CD38: variants seen among roughly 807,000 people sequenced by gnomAD.
CD38 encodes the protein ADP-ribosyl cyclase/cyclic ADP-ribose hydrolase 1.
CD38 carries 31 observed loss-of-function variants against 36.3 expected under a neutral mutation model. The ratio of observed to expected loss-of-function variants is 0.85; its 90% confidence interval spans 0.64 to 1.15. The LOEUF is 1.15. Ranked by LOEUF, CD38 falls within the 50% of genes most tolerant of loss-of-function variation. The pLI is 0.00. For missense variants in CD38, 380 were observed against 371.9 expected, an observed-to-expected ratio of 1.02 and a Z score of -0.18; for synonymous variants, 131 against 135.2, an observed-to-expected ratio of 0.97 and a Z score of 0.22.
intron 1 of CD38, among the ~76,000 whole-genome samples, chr4:15,813,260 A>T (rs1224689673): frequency 1.3e-5 from 2 of 152,162 alleles, no homozygotes; most frequent in Admixed American, 1.3e-4. Context: ...GGGGTTTAAT[A>T]GATGAATTTT....
At position 15,824,868 on chromosome 4, in the gene CD38, TA is replaced by T; in HGVS notation, c.364-12del. On this transcript the variant is annotated splice_polypyrimidine_tract_variant and intron_variant, in intron 2 of 7. Coordinates refer to ENST00000226279, the MANE Select transcript of CD38 (RefSeq NM_001775.4). ...ATTGATCTCAGTAATAGATTGTATT[TA>T]TTCTTCCTTAGATTCTTCTTTGGAG... 1 of 1,608,488 alleles carries T rather than the reference TA, an allele frequency of 6.2e-7. No individual in the cohort carries two copies. Among genetic ancestry groups the T allele is most frequent in the Non-Finnish European group, 8.5e-7 (1 of 1,175,474 alleles).
chr4:15,818,360 C>T (rs1391616594), intron 2 of CD38, among the ~76,000 whole-genome samples: 3 of 152,168 alleles, frequency 2.0e-5, no homozygotes, highest in South Asian at 2.1e-4. Flanking sequence ...ACAAAACCTC[C>T]GTCTCCCTGG....
intron 1 of CD38, among the ~76,000 whole-genome samples, chr4:15,783,903 G>A (rs554840326): frequency 4.6e-5 from 7 of 152,282 alleles, no homozygotes; most frequent in African/African-American, 1.7e-4. Flanking sequence ...AGTACAACAT[G>A]AGCAAAACAG....
At chr4:15,829,772 T>A (rs996848700) in intron 3 of CD38, among the ~76,000 whole-genome samples, 4 of 152,230 alleles carry the variant, frequency 2.6e-5, no homozygotes, top group Non-Finnish European at 5.9e-5. Flanking sequence ...TAACCATTTT[T>A]CTATTCTCCA....
chr4:15,804,400 TG>T (rs1723297146), intron 1 of CD38, among the ~76,000 whole-genome samples: 1 of 152,176 alleles, frequency 6.6e-6, no homozygotes, highest in African/African-American at 2.4e-5. Flanking sequence ...AACTACCATA[TG>T]ATCCAGTAAT....
At chr4:15,782,090 C>T (rs962747788) in intron 1 of CD38, among the ~76,000 whole-genome samples, 3 of 152,180 alleles carry the variant, frequency 2.0e-5, no homozygotes, top group African/African-American at 2.4e-5. Flanking sequence ...TGTTGCCACA[C>T]GGCCTCTCTC....
rs763737168 is a variant in CD38, at chr4:15,778,567, C to T, written c.153C>T (p.Ser51=). 1 of 1,613,416 alleles carries T rather than the reference C, an allele frequency of 6.2e-7. No homozygotes were observed. The highest frequency in any genetic ancestry group is 1.6e-4 in the Middle Eastern group (1 of 6,062). ...VVVPRWRQQW[S]GPGTTKRFPE... is the part of the protein sequence containing the mutation. ...TCCCGAGGTGGCGCCAGCAGTGGAG[C>T]GGTCCGGGCACCACCAAGCGCTTTC... The change falls in exon 1 of 8, where the codon AGC becomes AGT. Residue 51 remains serine (S), a synonymous_variant. Transcript: ENST00000226279. This position sits in a 1 kb window ranked among gnomAD's most constrained non-coding sequence, Gnocchi z 4.9.
intron 1 of CD38, among the ~76,000 whole-genome samples, chr4:15,784,796 A>G (rs2968776): frequency 1.3e-5 from 2 of 152,060 alleles, no homozygotes; most frequent in Non-Finnish European, 2.9e-5. Context: ...GGTGGCTCAC[A>G]CCTGTAATCC....
chr4:15,825,189 C>T (rs554004594), intron 3 of CD38, 173 bp downstream of exon 3: 49 of 570,290 alleles, frequency 8.6e-5, no homozygotes, highest in Admixed American at 2.0e-4. Context: ...CCTGAGGCTG[C>T]GTAATTTATA....
At chr4:15,779,148 G>A (rs1260350939) in intron 1 of CD38, among the ~76,000 whole-genome samples, 1 of 152,222 alleles carries the variant, frequency 6.6e-6, no homozygotes, top group Non-Finnish European at 1.5e-5. Context: ...CCTGTGGTAG[G>A]GGAGGAGGGT....
At chr4:15,812,061 C>T (rs1235334888) in intron 1 of CD38, among the ~76,000 whole-genome samples, 1 of 152,112 alleles carries the variant, frequency 6.6e-6, no homozygotes, top group Non-Finnish European at 1.5e-5. Context: ...TGCATTGCTT[C>T]GGCTGCATGA....
intron 4 of CD38, among the ~76,000 whole-genome samples, chr4:15,835,787 C>T (rs1434366938): frequency 1.3e-5 from 2 of 152,196 alleles, no homozygotes; most frequent in Non-Finnish European, 2.9e-5. Context: ...TCTGGGATTA[C>T]AGGGGTGAGC....
intron 1 of CD38, among the ~76,000 whole-genome samples, chr4:15,784,187 C>T (rs903050840): frequency 1.3e-5 from 2 of 152,176 alleles, no homozygotes; most frequent in African/African-American, 4.8e-5. Flanking sequence ...AAGAAATGTA[C>T]CCCTATCAAA....
intron 1 of CD38, among the ~76,000 whole-genome samples, chr4:15,797,226 A>G (rs374739853): frequency 2.7e-4 from 41 of 152,070 alleles, no homozygotes; most frequent in African/African-American, 9.2e-4. Flanking sequence ...TTACTTTTCT[A>G]CCTAACAATA....
At chr4:15,790,504 G>A (rs1303557120) in intron 1 of CD38, among the ~76,000 whole-genome samples, 2 of 152,068 alleles carry the variant, frequency 1.3e-5, no homozygotes, top group Non-Finnish European at 2.9e-5. Flanking sequence ...CTGGAGTGCA[G>A]TGGCGTGATC....
chr4:15,807,570 T>A (rs1171748780), intron 1 of CD38, among the ~76,000 whole-genome samples: 1 of 152,136 alleles, frequency 6.6e-6, no homozygotes, highest in Non-Finnish European at 1.5e-5. Context: ...CACTGCTTTG[T>A]CATTATCAAC....
chr4:15,796,479 T>A (rs1476947887), intron 1 of CD38, among the ~76,000 whole-genome samples: 2 of 152,118 alleles, frequency 1.3e-5, no homozygotes, highest in Non-Finnish European at 2.9e-5. Flanking sequence ...TATTAACATT[T>A]TAAATACACT....
At chr4:15,829,189 A>G (rs764681954) in intron 3 of CD38, among the ~76,000 whole-genome samples, 11 of 151,660 alleles carry the variant, frequency 7.3e-5, no homozygotes, top group Admixed American at 2.0e-4. Context: ...GAGTTGTTTG[A>G]GTTCCTTATG....
At chr4:15,809,528 A>C (rs1375926187) in intron 1 of CD38, among the ~76,000 whole-genome samples, 2 of 152,078 alleles carry the variant, frequency 1.3e-5, no homozygotes, top group Admixed American at 1.3e-4. Context: ...CCCCATTCTC[A>C]CTTGGTGGGT....
Sources: gnomAD v4.1 joint callset for allele counts (sites outside exome capture counted in the v4.1 genomes callset) on GRCh38, gnomAD v4.1.1 for gene constraint, Gnocchi (gnomAD v3.1) non-coding constraint, MANE v1.5 for transcripts, NCBI Gene and HGNC (gene_info 2026-07-23, HGNC 2026-07-21) for gene names.